The following ZNF397 variants were observed in gnomAD, a reference collection of about 807,000 sequenced individuals.
The protein encoded by ZNF397 is zinc finger and SCAN domain-containing protein 15.
ZNF397 carries 38 observed loss-of-function variants against 50.6 expected under a neutral mutation model. That is an observed-to-expected ratio of 0.75 (90% CI 0.58 to 0.98). The LOEUF (loss-of-function observed/expected upper bound fraction) is 0.98. Ranked by LOEUF, ZNF397 falls within the 50% of genes least tolerant of loss-of-function variation. The probability of loss-of-function intolerance (pLI) is 0.00; values close to 1 mark genes in which losing one functional copy is unlikely to be tolerated. For missense variants in ZNF397, 624 were observed against 624.1 expected, an observed-to-expected ratio of 1.00 and a Z score of 0.00; for synonymous variants, 228 against 215.2, an observed-to-expected ratio of 1.06 and a Z score of -0.52.
In ZNF397 at chr18:35,246,711, A is replaced by C. The variant is rs935049000; in HGVS notation, c.*401A>C. 18 of 972,430 alleles carry C rather than the reference A, an allele frequency of 1.9e-5. No individual in the cohort carries two copies. The highest frequency in any genetic ancestry group is 2.1e-5 in the Non-Finnish European group (17 of 817,158). The allele number at this position is 972,430 out of a possible 1,614,324, so 60.2% of individuals were successfully genotyped here. ...GAGGCACTTCGTCTCAGGAACTAAA[A>C]AAAAAAAAAAAACTGACCCAATAAA... On this transcript the variant is annotated 3_prime_UTR_variant, in exon 4 of 4. Transcript: ENST00000330501.
At position 35,246,275 on chromosome 18, in the gene ZNF397, C is replaced by G; in HGVS notation, c.1570C>G (p.Leu524Val). 1 of 1,550,802 alleles carries G rather than the reference C, an allele frequency of 6.4e-7. No homozygotes were observed. Among genetic ancestry groups the G allele is most frequent in the Non-Finnish European group, 8.7e-7 (1 of 1,146,638 alleles). ...GAAGGCTTTCAGGCACAGATCGGTC[C>G]TTATGCGCCATCAAAGAGTCCACAC... The part of the protein sequence containing the change: ...CGKAFRHRSV[L>V]MRHQRVHTIK The change falls in exon 4 of 4, where the codon CTT (leucine) becomes GTT (valine). Residue 524 changes from leucine (L) to valine (V), a missense_variant. Physicochemically the swap from Leu to Val is conservative, Grantham distance 32 (BLOSUM62 1). Transcript: ENST00000330501.
rs1912437687 is a variant in ZNF397, at chr18:35,241,069, G to C, written c.-121G>C. The C allele has an allele frequency of 1.3e-5, 2 of 152,356 alleles. No homozygotes were observed. The highest frequency in any genetic ancestry group is 1.9e-4 in the East Asian group (1 of 5,182). 9.4% of individuals were successfully genotyped at this position (152,356 alleles called of 1,614,324 possible). A position where few individuals can be genotyped will look rare whatever the true frequency, so the allele number is the denominator to read the frequency against. On this transcript the variant is annotated 5_prime_UTR_variant, in exon 1 of 4. Coordinates refer to ENST00000330501, the MANE Select transcript of ZNF397 (RefSeq NM_001135178.3). ...TTCCGGTCTTTGTGGCTTGCAGCTCGGGGTGGGTGGCTCATTTCCTGGCCG... is the reference window on the plus strand; with the variant it reads ...TTCCGGTCTTTGTGGCTTGCAGCTCCGGGTGGGTGGCTCATTTCCTGGCCG...
rs2043544796 is a variant in ZNF397, at chr18:35,249,688, CAATT to C, written c.*3382_*3385del. 1.5e-5 allele frequency: 2 copies of C among 135,082 alleles called. No individual in the cohort carries two copies. Among genetic ancestry groups the C allele is most frequent in the Admixed American group, 7.6e-5 (1 of 13,124 alleles). 8.4% of individuals were successfully genotyped at this position (135,082 alleles called of 1,614,324 possible). ...AAAAAAAAAAAAAAAACACTGATGT[CAATT>C]AATATTAAATGAAGTATTCATGATA... On this transcript the variant is annotated 3_prime_UTR_variant, in exon 4 of 4. Transcript: ENST00000330501.
At position 35,245,708 on chromosome 18, in the gene ZNF397, C is replaced by T; in HGVS notation, c.1003C>T (p.His335Tyr). 6.4e-7 allele frequency: 1 copy of T among 1,552,090 alleles called. No homozygotes were observed. The highest frequency in any genetic ancestry group is 1.2e-5 in the South Asian group (1 of 84,060). Residue 335 changes from histidine (H) to tyrosine (Y), a missense_variant, in exon 4 of 4, where the codon CAT (histidine) becomes TAT (tyrosine). Transcript: ENST00000330501. Reference protein sequence around the residue: ...RSYLIIHQRIHSGEKAYECSE... With the variant: ...RSYLIIHQRIYSGEKAYECSE... ...CTATCTTATTATTCATCAGAGAATT[C>T]ATAGTGGTGAGAAAGCATATGAATG... is the stretch of plus-strand genomic sequence containing the variant.
At chr18:35,252,347 G>C (rs2043628103), downstream of ZNF397, 1 of 152,232 alleles carries the variant, frequency 6.6e-6, no homozygotes, top group South Asian at 2.1e-4. Context: ...ATGACTCTGG[G>C]ACTCAGGCAG....
At chr18:35,254,766 G>T (rs918418751), downstream of ZNF397, 13 of 308,322 alleles carry the variant, frequency 4.2e-5, no homozygotes, top group African/African-American at 2.4e-4. Flanking sequence ...TCAGGATAAA[G>T]AAAGATATCT....
At position 35,245,499 on chromosome 18, in the gene ZNF397, G is replaced by A; in HGVS notation, c.794G>A (p.Cys265Tyr). 6.4e-7 allele frequency: 1 copy of A among 1,552,474 alleles called. No individual in the cohort carries two copies. The highest frequency in any genetic ancestry group is 8.7e-7 in the Non-Finnish European group (1 of 1,147,198). ...KRDLYDEAER[C>Y]LILTTDSIMC... ...GACCTTTATGATGAGGCTGAAAGATGCTTGATTCTAACTACAGACTCTATA... is the reference window on the plus strand; with the variant it reads ...GACCTTTATGATGAGGCTGAAAGATACTTGATTCTAACTACAGACTCTATA... The change falls in exon 4 of 4, where the codon TGC becomes TAC. Residue 265 changes from cysteine (C) to tyrosine (Y), a missense_variant. Cys to Tyr is a radical substitution (Grantham distance 194, BLOSUM62 -2). Coordinates refer to ENST00000330501, the MANE Select transcript of ZNF397 (RefSeq NM_001135178.3).
chr18:35,244,029 A>T (rs906638451), intron 3 of ZNF397: 4 of 155,120 alleles, frequency 2.6e-5, no homozygotes, highest in Non-Finnish European at 5.8e-5. Flanking sequence ...TGCAGTTTAG[A>T]AGTTAGCTGC....
intron 5 of ZNF397, chr18:35,257,828 G>A: frequency 2.6e-6 from 2 of 776,360 alleles, no homozygotes; most frequent in East Asian, 4.9e-5. Context: ...AGCGGCCCAT[G>A]AAATGCTCCA....
intron 3 of ZNF397, among the ~76,000 whole-genome samples, chr18:35,244,522 A>C (rs1397192114): frequency 6.6e-6 from 1 of 152,310 alleles, no homozygotes; most frequent in East Asian, 1.9e-4. Flanking sequence ...GTAAGGATAC[A>C]TGAGAGCCCA....
rs369105451 is a variant in ZNF397 at position 35,256,760 on chromosome 18, TTTG to T, written c.818-1150_818-1148del. On this transcript the variant is annotated intron_variant, in intron 5 of 5. Coordinates refer to the ZNF397 transcript ENST00000261333. Reference sequence around the variant, plus strand: ...TCTCTGTTAGAAGAGCTCTTCTGTTTTTGTTGTTGTTGTTGTTGTTTGTTTGTT... The same window carrying T: ...TCTCTGTTAGAAGAGCTCTTCTGTTTTTGTTGTTGTTGTTGTTTGTTTGTT... Among the ~76,000 whole-genome samples the T allele has an allele frequency of 3.2e-3, 487 of 151,532 alleles. 4 individuals carry two copies. Among genetic ancestry groups the T allele is most frequent in the African/African-American group, 0.01 (425 of 41,086 alleles).
At position 35,246,851 on chromosome 18, in the gene ZNF397, A is replaced by C; in HGVS notation, c.*541A>C. 3.0e-6 allele frequency: 3 copies of C among 985,736 alleles called. No homozygotes were observed. Among genetic ancestry groups the C allele is most frequent in the Non-Finnish European group, 3.6e-6 (3 of 830,222 alleles). The allele number at this position is 985,736 out of a possible 1,614,324, so 61.1% of individuals were successfully genotyped here. On this transcript the variant is annotated 3_prime_UTR_variant, in exon 4 of 4. Coordinates refer to ENST00000330501, the MANE Select transcript of ZNF397 (RefSeq NM_001135178.3). ...AGAAGAAAGAATATAATTTACCCAA[A>C]GGTTATTTTTTGAGTACCTACTTTG... is the stretch of plus-strand genomic sequence containing the variant.
At chr18:35,252,469 G>A (rs760888627), downstream of ZNF397, 1 of 151,916 alleles carries the variant, frequency 6.6e-6, no homozygotes, top group Non-Finnish European at 1.5e-5. Flanking sequence ...TATACTTGAG[G>A]GCAATAAATA....
At position 35,248,480 on chromosome 18, in the gene ZNF397, G is replaced by T. The variant is rs1020903601; in HGVS notation, c.*2170G>T. On this transcript the variant is annotated 3_prime_UTR_variant, in exon 4 of 4. Coordinates refer to ENST00000330501, the MANE Select transcript of ZNF397 (RefSeq NM_001135178.3). ...CCTGAACAAACTGAAAAGGTAGGAC[G>T]TAAAGTAGGAATTGTAAAACGGAAA... is the stretch of plus-strand genomic sequence containing the variant. The T allele has an allele frequency of 1.3e-5, 2 of 152,132 alleles. No individual in the cohort carries two copies. The highest frequency in any genetic ancestry group is 1.3e-4 in the Admixed American group (2 of 15,274). The allele number at this position is 152,132 out of a possible 1,614,324, so 9.4% of individuals were successfully genotyped here.
Position 35,246,123 on chromosome 18 carries a change from G to A in ZNF397, c.1418G>A (p.Arg473Lys), listed in dbSNP as rs1366199053. The A allele has an allele frequency of 6.4e-7, 1 of 1,551,628 alleles. No individual in the cohort carries two copies. Among genetic ancestry groups the A allele is most frequent in the East Asian group, 2.4e-5 (1 of 40,924 alleles). The change falls in exon 4 of 4, where the codon AGA (arginine) becomes AAA (lysine). Residue 473 changes from arginine to lysine, a missense_variant. By Grantham distance (26) the Arg-to-Lys change is conservative. Transcript: ENST00000330501. Reference sequence around the variant, plus strand: ...AGCTCAAACCTTATCAGACATCAGAGAATTCATAGTGGGGAGGAACCTTAT... The same window carrying A: ...AGCTCAAACCTTATCAGACATCAGAAAATTCATAGTGGGGAGGAACCTTAT... The part of the protein sequence containing the change: ...SLSSNLIRHQ[R>K]IHSGEEPYQC...
intron 5 of ZNF397, chr18:35,257,055 C>A (rs1286686754): frequency 6.6e-6 from 1 of 152,352 alleles, no homozygotes; most frequent in African/African-American, 2.4e-5. Context: ...GAACTACAGG[C>A]ACGAGCCACC....
At chr18:35,241,821 G>T (rs1367485230) in intron 1 of ZNF397, 1 of 152,040 alleles carries the variant, frequency 6.6e-6, no homozygotes, top group Admixed American at 6.5e-5. Context: ...CACCAAATGC[G>T]ATCAAATGAC....
Position 35,245,421 on chromosome 18 carries a change from A to G in ZNF397, c.716A>G (p.Gln239Arg), listed in dbSNP as rs1476157802. Reference sequence around the variant, plus strand: ...GGGGAGAAACTAAGATCTCCTTCCCAAGGGGGCAGTTTTAGTCAAGTGATC... The same window carrying G: ...GGGGAGAAACTAAGATCTCCTTCCCGAGGGGGCAGTTTTAGTCAAGTGATC... Reference protein sequence around the residue: ...ATGEKLRSPSQGGSFSQVIFT... With the variant: ...ATGEKLRSPSRGGSFSQVIFT... The change falls in exon 4 of 4, where the codon CAA (glutamine) becomes CGA (arginine). Residue 239 changes from glutamine to arginine, a missense_variant. Coordinates refer to ENST00000330501, the MANE Select transcript of ZNF397 (RefSeq NM_001135178.3). The G allele has an allele frequency of 6.4e-7, 1 of 1,572,986 alleles. No individual in the cohort carries two copies.
At chr18:35,252,264 G>A (rs988048640), downstream of ZNF397, 5 of 152,196 alleles carry the variant, frequency 3.3e-5, no homozygotes, top group African/African-American at 1.2e-4. Context: ...ATGGGAAAAG[G>A]CATGTATATA....
Sources: gnomAD v4.1 joint callset for allele counts (sites outside exome capture counted in the v4.1 genomes callset) on GRCh38, gnomAD v4.1.1 for gene constraint, MANE v1.5 for transcripts, NCBI Gene and HGNC (gene_info 2026-07-23, HGNC 2026-07-21) for gene names.